The following WDFY4 variants were observed in gnomAD, a reference collection of about 807,000 sequenced individuals.
WDFY4 encodes the protein WD repeat- and FYVE domain-containing protein 4.
In WDFY4, 169 loss-of-function variants were observed where a neutral mutation model predicts 351.9. That is an observed-to-expected ratio of 0.48 (90% CI 0.42 to 0.55). WDFY4 has a LOEUF of 0.55. Among genes scored for constraint, WDFY4 ranks in the 20% least tolerant of loss-of-function variants. The pLI is 0.00. For missense variants in WDFY4, 3,803 were observed against 3,935.6 expected (o/e 0.97, Z 0.90); for synonymous variants, 1,622 against 1,574.6 (o/e 1.03, Z -0.71).
intron 39 of WDFY4, among the ~76,000 whole-genome samples, chr10:48,847,527 C>T (rs944743541): frequency 6.6e-6 from 1 of 152,066 alleles, no homozygotes; most frequent in Non-Finnish European, 1.5e-5. Context: ...TAATCCCTAA[C>T]CTTCTTGCCC....
chr10:48,833,564 G>A (rs1327107750), intron 39 of WDFY4, among the ~76,000 whole-genome samples: 2 of 152,234 alleles, frequency 1.3e-5, no homozygotes, highest in African/African-American at 4.8e-5. Context: ...AAGGGAAATA[G>A]ACTCCACCTT....
intron 15 of WDFY4, 35 bp downstream of exon 15, chr10:48,775,841 G>A: frequency 6.6e-7 from 1 of 1,523,004 alleles, no homozygotes; most frequent in Non-Finnish European, 8.9e-7. Context: ...CAGGTTAATG[G>A]GAAGTAAAAG....
At chr10:48,756,578 G>T (rs572181329) in intron 12 of WDFY4, among the ~76,000 whole-genome samples, 41 of 152,096 alleles carry the variant, frequency 2.7e-4, no homozygotes, top group Admixed American at 7.2e-4. Flanking sequence ...CTTTGCCATT[G>T]AATATAACAT....
chr10:48,891,638 C>T (rs1836806278), intron 44 of WDFY4, among the ~76,000 whole-genome samples: 1 of 152,214 alleles, frequency 6.6e-6, no homozygotes, highest in Non-Finnish European at 1.5e-5. Context: ...GCCTGGAGGG[C>T]TTGTTAGCAC....
intron 23 of WDFY4, among the ~76,000 whole-genome samples, chr10:48,795,522 TACATATATATATACACAC>T (rs1378377165): frequency 1.3e-3 from 139 of 106,016 alleles, no homozygotes; most frequent in South Asian, 3.9e-3. Context: ...TATATATATA[TACATATATATATACACAC>T]ACATGAATAG....
At chr10:48,717,279 G>A (rs1327048630) in intron 2 of WDFY4, among the ~76,000 whole-genome samples, 1 of 152,200 alleles carries the variant, frequency 6.6e-6, no homozygotes, top group Non-Finnish European at 1.5e-5. Flanking sequence ...TTGGAGGTCT[G>A]CTATGTCCAA....
At chr10:48,773,422 A>T (rs2065930965) in intron 13 of WDFY4, among the ~76,000 whole-genome samples, 3 of 152,242 alleles carry the variant, frequency 2.0e-5, no homozygotes. Flanking sequence ...TTTGTAAAGG[A>T]ACATCCCACC....
intron 1 of WDFY4, among the ~76,000 whole-genome samples, chr10:48,691,746 T>C (rs1424800394): frequency 6.6e-6 from 1 of 152,162 alleles, no homozygotes; most frequent in Non-Finnish European, 1.5e-5. Flanking sequence ...AAGCACAAAC[T>C]AGAAAGGGAA....
chr10:48,828,501 T>C (rs12251517), intron 36 of WDFY4, among the ~76,000 whole-genome samples: 29,962 of 152,064 alleles, frequency 0.2, 4,047 homozygotes, highest in African/African-American at 0.38. Context: ...TGGCGGGGAA[T>C]CAGGAGTGGG....
Position 48,982,673 on chromosome 10 carries a change from G to A in WDFY4, c.*98G>A. 8.0e-7 allele frequency: 1 copy of A among 1,256,766 alleles called. No individual in the cohort carries two copies. Among genetic ancestry groups the A allele is most frequent in the Non-Finnish European group, 1.1e-6 (1 of 890,576 alleles). The allele number at this position is 1,256,766 out of a possible 1,614,324, so 77.9% of individuals were successfully genotyped here. ...CTCTGCCTACAGAAGAAACCCCCAG[G>A]GCCTCCTTCCCCACAGTTCTCAAGG... On this transcript the variant is annotated 3_prime_UTR_variant, in exon 62 of 62. Coordinates refer to ENST00000325239, the MANE Select transcript of WDFY4 (RefSeq NM_001394531.1).
Position 48,977,002 on chromosome 10 carries a change from G to A in WDFY4, c.9291+23G>A, listed in dbSNP as rs1250028946. The A allele has an allele frequency of 2.9e-6, 4 of 1,355,970 alleles. No individual in the cohort carries two copies. The East Asian group carries it at 1.2e-4, about 40-fold the overall frequency. 84.0% of individuals were successfully genotyped at this position (1,355,970 alleles called of 1,614,324 possible). A position where few individuals can be genotyped will look rare whatever the true frequency, so the allele number is the denominator to read the frequency against. On this transcript the variant is annotated intron_variant, in intron 59 of 61. Coordinates refer to ENST00000325239, the MANE Select transcript of WDFY4 (RefSeq NM_001394531.1). ...CGGGTAGGTGTGTCTTGGGCAGAAT[G>A]AGGACATGACACAAGAAACGTGTTC... is the stretch of plus-strand genomic sequence containing the variant.
rs1840880082 is a variant in WDFY4 at position 48,943,352 on chromosome 10, A to C, written c.7652A>C (p.Glu2551Ala). Residue 2551 changes from glutamate (E) to alanine (A), a missense_variant, in exon 49 of 62, where the codon GAG (glutamate) becomes GCG (alanine). Physicochemically the swap from Glu to Ala is moderately radical, Grantham distance 107. Coordinates refer to ENST00000325239, the MANE Select transcript of WDFY4 (RefSeq NM_001394531.1). Reference protein sequence around the residue: ...KWQKRDISNFEYLMYLNTAAG... With the variant: ...KWQKRDISNFAYLMYLNTAAG... ...TAGAAAAGGGACATCAGCAATTTTG[A>C]GTATCTCATGTACCTCAACACCGCG... 1 of 1,551,544 alleles carries C rather than the reference A, an allele frequency of 6.4e-7. No individual in the cohort carries two copies. Among genetic ancestry groups the C allele is most frequent in the Non-Finnish European group, 8.7e-7 (1 of 1,146,984 alleles).
intron 1 of WDFY4, among the ~76,000 whole-genome samples, chr10:48,702,792 C>T (rs975831112): frequency 6.6e-6 from 1 of 152,150 alleles, no homozygotes; most frequent in African/African-American, 2.4e-5. Context: ...TTAACTTTCC[C>T]CGAAACTGCC....
At chr10:48,696,962 T>A (rs557731295) in intron 1 of WDFY4, among the ~76,000 whole-genome samples, 1 of 152,226 alleles carries the variant, frequency 6.6e-6, no homozygotes, top group Non-Finnish European at 1.5e-5. Context: ...TAGGAAGAGA[T>A]GGAGCTGGGA....
At chr10:48,910,842 C>T (rs1488100497) in intron 47 of WDFY4, 9 of 893,818 alleles carry the variant, frequency 1.0e-5, no homozygotes, top group Admixed American at 6.2e-5. Context: ...TGTGCTGCAG[C>T]GGGGAAGGGA....
chr10:48,887,145 G>A (rs2070488936), intron 43 of WDFY4, among the ~76,000 whole-genome samples: 1 of 152,256 alleles, frequency 6.6e-6, no homozygotes, highest in South Asian at 2.1e-4. Context: ...CCAAAGGGAA[G>A]CACCAGATCA....
At chr10:48,914,315 T>A in intron 47 of WDFY4, 1 of 778,556 alleles carries the variant, frequency 1.3e-6, no homozygotes, top group Non-Finnish European at 2.0e-6. Context: ...TGCTCTTCAG[T>A]GGTTTAAAAA....
In WDFY4 at chr10:48,817,418, T is replaced by G; in HGVS notation, c.5505+9T>G. The G allele has an allele frequency of 1.3e-6, 2 of 1,547,514 alleles. No individual in the cohort carries two copies. Among genetic ancestry groups the G allele is most frequent in the Non-Finnish European group, 1.7e-6 (2 of 1,144,158 alleles). On this transcript the variant is annotated intron_variant, in intron 32 of 61. Coordinates refer to ENST00000325239, the MANE Select transcript of WDFY4 (RefSeq NM_001394531.1). ...CCCTGGGAGCCCAAAAGGTAGGACA[T>G]GCTGCTGTCCCACCCAGAGAGAGCA...
At chr10:48,687,733 G>C (rs1481166118) in intron 1 of WDFY4, among the ~76,000 whole-genome samples, 1 of 147,700 alleles carries the variant, frequency 6.8e-6, no homozygotes, top group East Asian at 2.0e-4. Context: ...TCCTGCCTCA[G>C]CCTCCCTAGT....
Sources: gnomAD v4.1 joint callset for allele counts (sites outside exome capture counted in the v4.1 genomes callset) on GRCh38, gnomAD v4.1.1 for gene constraint, MANE v1.5 for transcripts, NCBI Gene and HGNC (gene_info 2026-07-23, HGNC 2026-07-21) for gene names.